DNER: variants seen among roughly 807,000 people sequenced by gnomAD.
The protein encoded by DNER is delta and Notch-like epidermal growth factor-related receptor.
Under a neutral mutation model 78.2 loss-of-function variants are expected in DNER, and 33 were observed. The observed-to-expected ratio is 0.42, with a 90% CI of 0.32 to 0.56. The LOEUF (loss-of-function observed/expected upper bound fraction) is 0.56. Ranked by LOEUF, DNER falls within the 20% of genes least tolerant of loss-of-function variation. The pLI, the probability that DNER is intolerant of heterozygous loss-of-function variation, is 0.11. For synonymous variants in DNER, 417 were observed against 384.8 expected (o/e 1.08, Z -0.98); for missense variants, 918 against 975.3 (o/e 0.94, Z 0.78).
At chr2:229,683,022 T>C (rs1574563031) in intron 1 of DNER, among the ~76,000 whole-genome samples, 1 of 152,344 alleles carries the variant, frequency 6.6e-6, no homozygotes, top group East Asian at 1.9e-4. Flanking sequence ...TTTTGTAAGA[T>C]AGTTAATTAT....
At chr2:229,533,362 G>T (rs1053530717) in intron 5 of DNER, among the ~76,000 whole-genome samples, 2 of 152,116 alleles carry the variant, frequency 1.3e-5, no homozygotes, top group Non-Finnish European at 2.9e-5. Flanking sequence ...GGACACCAAA[G>T]ATGTAAAAAC....
intron 8 of DNER, among the ~76,000 whole-genome samples, chr2:229,441,468 T>C (rs1345342310): frequency 2.6e-5 from 4 of 152,080 alleles, no homozygotes; most frequent in African/African-American, 9.7e-5. Context: ...AGGTGTTAGA[T>C]GGGATTTATT....
chr2:229,659,171 T>C (rs1052484574), intron 1 of DNER, among the ~76,000 whole-genome samples: 1 of 152,184 alleles, frequency 6.6e-6, no homozygotes, highest in African/African-American at 2.4e-5. Flanking sequence ...GGATGGGGCA[T>C]CCTTTCAAAG....
chr2:229,364,844 CTT>C lies in DNER; in HGVS notation c.2102+2027_2102+2028del, dbSNP rs34346714. 1.3e-3 allele frequency among the ~76,000 whole-genome samples: 98 copies of C among 75,476 alleles called. No homozygotes were observed. The East Asian group carries it at 0.023, about 18-fold the overall frequency. The allele number at this position is 75,476 out of a possible 152,430, so 49.5% of individuals were successfully genotyped here. A position where few individuals can be genotyped will look rare whatever the true frequency, so the allele number is the denominator to read the frequency against. On this transcript the variant is annotated intron_variant, in intron 12 of 12. Transcript: ENST00000341772. Reference sequence around the variant, plus strand: ...TGGGTTTTCTCATGTCTCTCTCTCTCTTTTTTTTTTTTTTTTTTTTTTTTTAG... The same window carrying C: ...TGGGTTTTCTCATGTCTCTCTCTCTCTTTTTTTTTTTTTTTTTTTTTTTAG...
At chr2:229,455,824 C>A (rs1694560660) in intron 7 of DNER, among the ~76,000 whole-genome samples, 1 of 152,102 alleles carries the variant, frequency 6.6e-6, no homozygotes, top group African/African-American at 2.4e-5. Context: ...ACTCTCACAT[C>A]AATCCTATGA....
chr2:229,661,233 T>C (rs1463661158), intron 1 of DNER, among the ~76,000 whole-genome samples: 1 of 152,194 alleles, frequency 6.6e-6, no homozygotes, highest in East Asian at 1.9e-4. Flanking sequence ...TGTGTGTGTG[T>C]GTGTTACTTA....
intron 1 of DNER, among the ~76,000 whole-genome samples, chr2:229,592,112 T>C (rs10183252): frequency 0.99 from 151,461 of 152,328 alleles, 75,311 homozygotes; most frequent in Non-Finnish European, 1. Flanking sequence ...AAATACAAAG[T>C]GGAGAGCAGC....
At chr2:229,688,375 A>G (rs943837338) in intron 1 of DNER, among the ~76,000 whole-genome samples, 3 of 152,230 alleles carry the variant, frequency 2.0e-5, no homozygotes, top group African/African-American at 7.2e-5. Context: ...CACTCCTCCA[A>G]TTTAATTACG....
intron 12 of DNER, among the ~76,000 whole-genome samples, chr2:229,363,408 T>TAAG (rs1405920052): frequency 6.6e-6 from 1 of 152,206 alleles, no homozygotes; most frequent in Non-Finnish European, 1.5e-5. Context: ...TCAAAAGGTC[T>TAAG]AAGTTTTTGC....
intron 6 of DNER, among the ~76,000 whole-genome samples, chr2:229,511,301 A>G (rs1358460334): frequency 6.6e-6 from 1 of 152,238 alleles, no homozygotes; most frequent in Non-Finnish European, 1.5e-5. Flanking sequence ...CAAAATAAGA[A>G]CAACTTGGTG....
chr2:229,539,966 C>G (rs1355975574), intron 5 of DNER, among the ~76,000 whole-genome samples: 2 of 152,176 alleles, frequency 1.3e-5, no homozygotes, highest in African/African-American at 4.8e-5. Flanking sequence ...AGTATGTATC[C>G]TCCAGAGCCT....
intron 8 of DNER, among the ~76,000 whole-genome samples, chr2:229,434,805 G>A (rs1694086340): frequency 6.6e-6 from 1 of 151,906 alleles, no homozygotes; most frequent in South Asian, 2.1e-4. Flanking sequence ...ACTTGAGTAG[G>A]CAAGTTCAGG....
intron 8 of DNER, among the ~76,000 whole-genome samples, chr2:229,443,895 T>C (rs901997480): frequency 1.3e-5 from 2 of 152,204 alleles, no homozygotes; most frequent in African/African-American, 4.8e-5. Flanking sequence ...TCTTGCCTGG[T>C]GTTAAGATGC....
intron 1 of DNER, among the ~76,000 whole-genome samples, chr2:229,608,703 T>C (rs1387269908): frequency 6.6e-6 from 1 of 152,154 alleles, no homozygotes; most frequent in Non-Finnish European, 1.5e-5. Flanking sequence ...GAAGAATCAT[T>C]GTTTCTGGGT....
At chr2:229,500,635 G>C (rs146657620) in intron 6 of DNER, among the ~76,000 whole-genome samples, 1 of 152,166 alleles carries the variant, frequency 6.6e-6, no homozygotes, top group African/African-American at 2.4e-5. Context: ...TTCAGTCTAA[G>C]TATCCATCAA....
intron 8 of DNER, among the ~76,000 whole-genome samples, chr2:229,424,827 G>A (rs181032996): frequency 3.9e-5 from 6 of 152,162 alleles, no homozygotes; most frequent in Admixed American, 2.6e-4. Flanking sequence ...TCATAATCGC[G>A]GGGAGCTTCC....
intron 7 of DNER, 86 bp from the exon 8 acceptor site, chr2:229,447,626 G>T (rs2106362380): frequency 7.5e-7 from 1 of 1,340,144 alleles, no homozygotes; most frequent in Non-Finnish European, 1.0e-6. Context: ...CACTGTATAT[G>T]CATAACAATT....
intron 7 of DNER, among the ~76,000 whole-genome samples, chr2:229,453,986 G>A (rs1166866556): frequency 2.0e-5 from 3 of 150,530 alleles, no homozygotes; most frequent in Admixed American, 6.6e-5. Context: ...TGAAAACAAT[G>A]GAAGAGAGAA....
chr2:229,596,042 C>T (rs1188194446), intron 1 of DNER, among the ~76,000 whole-genome samples: 1 of 151,894 alleles, frequency 6.6e-6, no homozygotes, highest in Non-Finnish European at 1.5e-5. Flanking sequence ...TTATTTAATA[C>T]ATTCATTTTT....
Sources: allele counts gnomAD v4.1 joint callset (sites outside exome capture counted in the v4.1 genomes callset), GRCh38; gene constraint gnomAD v4.1.1; transcripts MANE v1.5; gene names NCBI Gene and HGNC (gene_info 2026-07-23, HGNC 2026-07-21).